LRP1B: variants seen among roughly 807,000 people sequenced by gnomAD.
The protein encoded by LRP1B is low-density lipoprotein receptor-related protein 1B.
Under a neutral mutation model 556.6 loss-of-function variants are expected in LRP1B, and 217 were observed. That is an observed-to-expected ratio of 0.39 (90% confidence interval 0.35 to 0.44). LRP1B has a LOEUF of 0.44. LRP1B is among the 20% of genes least tolerant of loss of function. The pLI is 1.00. For missense variants in LRP1B, 5,053 were observed against 5,620.8 expected (o/e 0.90, Z 3.23); for synonymous variants, 2,047 against 1,865.8 (o/e 1.10, Z -2.50).
rs76095291 is a variant in LRP1B at position 140,382,446 on chromosome 2, A to G, written c.10531+3447T>C. Among the ~76,000 whole-genome samples, 144 of 152,256 alleles carry G rather than the reference A, an allele frequency of 9.5e-4. 3 individuals carry two copies. The East Asian group carries it at 0.027, about 29-fold the overall frequency. Reference sequence around the variant, plus strand: ...ATAAAGATATTATAGATATGTTGAGATTTCTCAATTATTTCCAAACCTCTG... The same window carrying G: ...ATAAAGATATTATAGATATGTTGAGGTTTCTCAATTATTTCCAAACCTCTG... On this transcript the variant is annotated intron_variant, in intron 67 of 90. Coordinates refer to ENST00000389484, the MANE Select transcript of LRP1B (RefSeq NM_018557.3).
At chr2:140,798,175 T>C (rs949823283) in intron 32 of LRP1B, among the ~76,000 whole-genome samples, 2 of 152,166 alleles carry the variant, frequency 1.3e-5, no homozygotes, top group African/African-American at 4.8e-5. Context: ...TTGTTACCTG[T>C]TTTATACTCT....
intron 20 of LRP1B, among the ~76,000 whole-genome samples, chr2:140,944,670 A>G (rs546677679): frequency 5.9e-5 from 9 of 152,316 alleles, no homozygotes; most frequent in Admixed American, 5.9e-4. Context: ...CCATATGATC[A>G]TCTCAATAGA....
At chr2:141,408,595 G>A (rs187970925) in intron 3 of LRP1B, among the ~76,000 whole-genome samples, 23 of 151,878 alleles carry the variant, frequency 1.5e-4, no homozygotes, top group African/African-American at 5.3e-4. Flanking sequence ...AACAAAAACA[G>A]AGTGTAAAAA....
chr2:140,463,589 T>C (rs574406294), intron 60 of LRP1B, among the ~76,000 whole-genome samples: 1 of 152,258 alleles, frequency 6.6e-6, no homozygotes, highest in African/African-American at 2.4e-5. Flanking sequence ...AATAAAAGCA[T>C]TAAGAAATGA....
chr2:141,163,352 G>C (rs1037060631), intron 7 of LRP1B, among the ~76,000 whole-genome samples: 5 of 152,018 alleles, frequency 3.3e-5, no homozygotes, highest in Admixed American at 1.3e-4. Flanking sequence ...TACACTATAA[G>C]ATATAATTTG....
At chr2:141,337,637 C>T (rs1354085375) in intron 3 of LRP1B, among the ~76,000 whole-genome samples, 1 of 152,124 alleles carries the variant, frequency 6.6e-6, no homozygotes, top group Non-Finnish European at 1.5e-5. Context: ...GAATATTTTG[C>T]CCAGGTTATA....
rs1314193360 is a variant in LRP1B at position 140,353,000 on chromosome 2, A to G, written c.11603T>C (p.Val3868Ala). The G allele has an allele frequency of 6.2e-7, 1 of 1,612,844 alleles. No homozygotes were observed. Among genetic ancestry groups the G allele is most frequent in the African/African-American group, 1.3e-5 (1 of 74,884 alleles). ...TCTTTCTTGAAAATTCTGGTCACACACACATTTATATGATCCTTCCACATT... is the reference window on the plus strand; with the variant it reads ...TCTTTCTTGAAAATTCTGGTCACACGCACATTTATATGATCCTTCCACATT... ...CINVEGSYKCVCDQNFQERNN... is the reference protein window; with the variant it reads ...CINVEGSYKCACDQNFQERNN... Residue 3868 changes from valine to alanine, a missense_variant, in exon 76 of 91, where the codon GTG becomes GCG. Transcript: ENST00000389484.
At chr2:142,088,547 C>A (rs1706035363) in intron 1 of LRP1B, among the ~76,000 whole-genome samples, 1 of 152,082 alleles carries the variant, frequency 6.6e-6, no homozygotes, top group East Asian at 1.9e-4. Context: ...AATATTCTTC[C>A]ATATCAGGAT....
chr2:141,528,837 G>T (rs1215313038), intron 2 of LRP1B, among the ~76,000 whole-genome samples: 2 of 152,098 alleles, frequency 1.3e-5, no homozygotes, highest in Non-Finnish European at 2.9e-5. Context: ...TAGGGTAAGA[G>T]AATATATTTC....
chr2:140,425,806 A>T (rs1305517242), intron 66 of LRP1B, among the ~76,000 whole-genome samples: 1 of 151,836 alleles, frequency 6.6e-6, no homozygotes, highest in African/African-American at 2.4e-5. Flanking sequence ...TGTAGCTCTC[A>T]TAGGGTTGTT....
At chr2:140,477,496 G>T (rs889777637) in intron 59 of LRP1B, among the ~76,000 whole-genome samples, 1 of 151,996 alleles carries the variant, frequency 6.6e-6, no homozygotes, top group Non-Finnish European at 1.5e-5. Flanking sequence ...AATTGTACTT[G>T]CAATTTAAAT....
chr2:140,899,741 C>T (rs181487596), intron 23 of LRP1B, among the ~76,000 whole-genome samples: 1 of 152,226 alleles, frequency 6.6e-6, no homozygotes, highest in Non-Finnish European at 1.5e-5. Context: ...AAATGTTCCC[C>T]AAGGCTGCAG....
chr2:140,325,032 A>C (rs1680396507), intron 80 of LRP1B, among the ~76,000 whole-genome samples: 1 of 152,152 alleles, frequency 6.6e-6, no homozygotes, highest in Non-Finnish European at 1.5e-5. Context: ...ATAACATGCA[A>C]ATATAAAAAT....
rs952682283 is a variant in LRP1B, at chr2:140,245,093, A to G, written c.13324+1993T>C. Among the ~76,000 whole-genome samples, 12 of 151,504 alleles carry G rather than the reference A, an allele frequency of 7.9e-5. No individual in the cohort carries two copies. In the East Asian group the frequency reaches 2.3e-3, roughly 30 times the overall value. ...TTGATCAAGTTTGTGATAATTTGACATATATGTAGCTAATAGCCCTTTCAA... is the reference window on the plus strand; with the variant it reads ...TTGATCAAGTTTGTGATAATTTGACGTATATGTAGCTAATAGCCCTTTCAA... On this transcript the variant is annotated intron_variant, in intron 87 of 90. Transcript: ENST00000389484.
chr2:141,440,991 C>A (rs990799824), intron 3 of LRP1B, among the ~76,000 whole-genome samples: 24 of 151,084 alleles, frequency 1.6e-4, no homozygotes, highest in Admixed American at 1.6e-3. Flanking sequence ...CACCCTCAGA[C>A]CCTGCCCCAC....
chr2:140,550,404 A>T (rs1318458937), intron 43 of LRP1B, among the ~76,000 whole-genome samples: 1 of 152,160 alleles, frequency 6.6e-6, no homozygotes, highest in East Asian at 1.9e-4. Context: ...TTTAACCTGA[A>T]AAAAGCAAAT....
At chr2:140,929,753 G>A (rs1157881220) in intron 20 of LRP1B, among the ~76,000 whole-genome samples, 6 of 54,286 alleles carry the variant, frequency 1.1e-4, no homozygotes, top group Admixed American at 1.1e-3. Context: ...CAGTCATATA[G>A]ACTCACACAC....
intron 1 of LRP1B, among the ~76,000 whole-genome samples, chr2:142,125,549 C>G (rs1200992070): frequency 6.6e-6 from 1 of 151,682 alleles, no homozygotes; most frequent in Admixed American, 6.6e-5. Flanking sequence ...CATTTTTTGT[C>G]TTATTTACTG....
chr2:141,877,290 G>A lies in LRP1B; in HGVS notation c.83-66889C>T, dbSNP rs545090387. Among the ~76,000 whole-genome samples the A allele has an allele frequency of 2.0e-4, 31 of 152,046 alleles. No individual in the cohort carries two copies. The South Asian group carries it at 6.4e-3, about 32-fold the overall frequency. The stretch of plus-strand genomic sequence containing the variant: ...AGCAAAGACAATTAACTGCCCACAG[G>A]ATTTCTGTTCCCTAGTCACTGGGTG... On this transcript the variant is annotated intron_variant, in intron 1 of 90. Coordinates refer to ENST00000389484, the MANE Select transcript of LRP1B (RefSeq NM_018557.3).
Sources: gnomAD v4.1 joint callset for allele counts (sites outside exome capture counted in the v4.1 genomes callset) on GRCh38, gnomAD v4.1.1 for gene constraint, MANE v1.5 for transcripts, NCBI Gene and HGNC (gene_info 2026-07-23, HGNC 2026-07-21) for gene names.